Variants in CSMD1 observed in about 807,000 individuals in gnomAD.
The protein encoded by CSMD1 is CUB and sushi domain-containing protein 1.
CSMD1 carries 213 observed loss-of-function variants against 417.5 expected under a neutral mutation model. The ratio of observed to expected loss-of-function variants is 0.51; its 90% CI spans 0.46 to 0.57. The LOEUF (loss-of-function observed/expected upper bound fraction) is 0.57. Among genes scored for constraint, CSMD1 ranks in the 20% least tolerant of loss-of-function variants. The pLI is 0.00. For missense variants in CSMD1, 6,923 were observed against 4,529.7 expected (o/e 1.53, Z -15.17); for synonymous variants, 2,862 against 1,736.8 (o/e 1.65, Z -16.11).
chr8:4,316,181 A>C (rs1210997882), intron 3 of CSMD1, among the ~76,000 whole-genome samples: 1 of 152,166 alleles, frequency 6.6e-6, no homozygotes, highest in Non-Finnish European at 1.5e-5. Context: ...GATTAGCTAA[A>C]TTTCAAGAGA....
At chr8:3,831,993 A>AT (rs751587328) in intron 5 of CSMD1, among the ~76,000 whole-genome samples, 3 of 152,114 alleles carry the variant, frequency 2.0e-5, no homozygotes, top group South Asian at 2.1e-4. Context: ...CACCATCCAC[A>AT]TTTTTTGGTA....
At chr8:4,406,507 T>C (rs1805029443) in intron 3 of CSMD1, among the ~76,000 whole-genome samples, 3 of 152,310 alleles carry the variant, frequency 2.0e-5, no homozygotes, top group Admixed American at 6.5e-5. Flanking sequence ...GGAATTTGAC[T>C]AGTTGATATT....
intron 3 of CSMD1, among the ~76,000 whole-genome samples, chr8:4,350,104 G>C (rs1004449690): frequency 6.6e-6 from 1 of 152,106 alleles, no homozygotes; most frequent in Non-Finnish European, 1.5e-5. Context: ...GCCACCACTG[G>C]CTGCTACGTC....
Position 4,587,493 on chromosome 8 carries a change from GTA to G in CSMD1, c.302+49847_302+49848del, listed in dbSNP as rs58349785. Among the ~76,000 whole-genome samples the G allele has an allele frequency of 7.9e-5, 12 of 151,588 alleles. No individual in the cohort carries two copies. In the East Asian group the frequency reaches 2.3e-3, roughly 29 times the overall value. ...GATACATATGTATATGTACATATAT[GTA>G]TATATATATGCACACATGAATTTCT... is the stretch of plus-strand genomic sequence containing the variant. On this transcript the variant is annotated intron_variant, in intron 2 of 69. Transcript: ENST00000635120.
chr8:3,579,163 T>C (rs902858145), intron 9 of CSMD1, among the ~76,000 whole-genome samples: 1 of 152,158 alleles, frequency 6.6e-6, no homozygotes, highest in Non-Finnish European at 1.5e-5. Flanking sequence ...CCAGTAAAAC[T>C]AGAATTCACA....
chr8:4,279,446 C>T (rs1585147870), intron 3 of CSMD1, among the ~76,000 whole-genome samples: 1 of 152,128 alleles, frequency 6.6e-6, no homozygotes, highest in African/African-American at 2.4e-5. Flanking sequence ...GGATAAGATT[C>T]CAAGTCCCAG....
intron 1 of CSMD1, among the ~76,000 whole-genome samples, chr8:4,867,127 T>G (rs1404199180): frequency 3.9e-5 from 6 of 152,096 alleles, no homozygotes; most frequent in East Asian, 1.9e-4. Context: ...CTTCATGAAC[T>G]ACACACATAT....
chr8:3,915,513 G>A (rs889172735), intron 5 of CSMD1, among the ~76,000 whole-genome samples: 2 of 151,618 alleles, frequency 1.3e-5, no homozygotes, highest in Non-Finnish European at 2.9e-5. Flanking sequence ...GACATTACTG[G>A]GCTTTGTTGA....
intron 54 of CSMD1, among the ~76,000 whole-genome samples, chr8:2,993,722 G>A (rs1660082333): frequency 1.3e-5 from 2 of 152,100 alleles, no homozygotes; most frequent in South Asian, 4.1e-4. Flanking sequence ...TAAAAGACGA[G>A]CGTGGCTAAA....
At chr8:4,376,300 T>A (rs1419953259) in intron 3 of CSMD1, among the ~76,000 whole-genome samples, 8 of 152,182 alleles carry the variant, frequency 5.3e-5, no homozygotes. Flanking sequence ...TGTAGAAAAT[T>A]TAGAAAGTCA....
chr8:4,847,022 T>C (rs1262533326), intron 1 of CSMD1, among the ~76,000 whole-genome samples: 2 of 152,132 alleles, frequency 1.3e-5, no homozygotes, highest in Admixed American at 1.3e-4. Context: ...AAGAAACAAC[T>C]TGTGTTTTTA....
chr8:4,155,546 G>A (rs1796791051), intron 3 of CSMD1, among the ~76,000 whole-genome samples: 1 of 152,118 alleles, frequency 6.6e-6, no homozygotes, highest in Non-Finnish European at 1.5e-5. Flanking sequence ...TAAGTCTTAG[G>A]CCATGTCTTA....
At chr8:3,977,556 A>T (rs1377654072) in intron 5 of CSMD1, among the ~76,000 whole-genome samples, 2 of 152,190 alleles carry the variant, frequency 1.3e-5, no homozygotes, top group African/African-American at 2.4e-5. Context: ...AAACATTTTT[A>T]ATACTTTGTG....
intron 1 of CSMD1, among the ~76,000 whole-genome samples, chr8:4,902,619 T>G (rs1019066340): frequency 6.6e-6 from 1 of 152,210 alleles, no homozygotes; most frequent in Non-Finnish European, 1.5e-5. Context: ...TTGTAATATT[T>G]TGATTATCTA....
chr8:4,103,125 G>C (rs1037913989), intron 3 of CSMD1, among the ~76,000 whole-genome samples: 5 of 152,108 alleles, frequency 3.3e-5, no homozygotes, highest in African/African-American at 1.2e-4. Flanking sequence ...CTGAACACGA[G>C]TTAACAGTTA....
intron 3 of CSMD1, among the ~76,000 whole-genome samples, chr8:4,085,937 T>C (rs545464747): frequency 1.5e-4 from 23 of 152,294 alleles, no homozygotes; most frequent in Middle Eastern, 6.8e-3. Flanking sequence ...GGGCTCTGTA[T>C]TATTTCTTAC....
intron 2 of CSMD1, among the ~76,000 whole-genome samples, chr8:4,598,509 C>A (rs1028281293): frequency 6.6e-6 from 1 of 152,132 alleles, no homozygotes; most frequent in Non-Finnish European, 1.5e-5. Context: ...ACTCCAGCTA[C>A]AGGTGTGGCT....
At chr8:3,043,919 G>A (rs1344052988) in intron 50 of CSMD1, 2 of 152,122 alleles carry the variant, frequency 1.3e-5, no homozygotes, top group East Asian at 1.9e-4. Flanking sequence ...TTCCTTTTTT[G>A]TATAAATATT....
intron 12 of CSMD1, among the ~76,000 whole-genome samples, chr8:3,460,503 T>G (rs1000771922): frequency 1.3e-5 from 2 of 152,050 alleles, no homozygotes; most frequent in Non-Finnish European, 2.9e-5. Flanking sequence ...GACCCCTGTG[T>G]GTGAGCAAAA....
Sources: gnomAD v4.1 joint callset for allele counts (sites outside exome capture counted in the v4.1 genomes callset) on GRCh38, gnomAD v4.1.1 for gene constraint, MANE v1.5 for transcripts, NCBI Gene and HGNC (gene_info 2026-07-23, HGNC 2026-07-21) for gene names.